The following PTPRD variants were observed in gnomAD, a reference collection of about 807,000 sequenced individuals.
The protein encoded by PTPRD is protein tyrosine phosphatase receptor type D.
PTPRD carries 34 observed loss-of-function variants against 214.5 expected under a neutral mutation model. The observed-to-expected ratio is 0.16, with a 90% CI of 0.12 to 0.21. The LOEUF is 0.21. Among genes scored for constraint, PTPRD ranks in the 10% least tolerant of loss-of-function variants. PTPRD has a pLI of 1.00. For missense variants in PTPRD, 2,545 were observed against 2,398.7 expected (o/e 1.06, Z -1.27); for synonymous variants, 1,128 against 845.7 (o/e 1.33, Z -5.79).
At chr9:9,486,885 A>G (rs2095660451) in intron 8 of PTPRD, among the ~76,000 whole-genome samples, 1 of 152,156 alleles carries the variant, frequency 6.6e-6, no homozygotes, top group Admixed American at 6.6e-5. Flanking sequence ...AGTATGGGTC[A>G]TGCCTGCTTT....
chr9:9,187,129 T>G (rs2099932124), intron 9 of PTPRD, among the ~76,000 whole-genome samples: 1 of 151,832 alleles, frequency 6.6e-6, no homozygotes, highest in South Asian at 2.1e-4. Context: ...CAATTTTATT[T>G]CTGCTGTTAA....
intron 3 of PTPRD, among the ~76,000 whole-genome samples, chr9:10,040,934 G>T (rs924301838): frequency 6.6e-6 from 1 of 152,004 alleles, no homozygotes; most frequent in East Asian, 1.9e-4. Flanking sequence ...CAAATTTACT[G>T]TAATGTGGGT....
intron 8 of PTPRD, among the ~76,000 whole-genome samples, chr9:9,452,542 C>A (rs1440405206): frequency 1.3e-5 from 2 of 150,840 alleles, no homozygotes; most frequent in African/African-American, 4.8e-5. Flanking sequence ...TAAAGAAAAA[C>A]CACAGAAGTT....
At chr9:9,321,441 G>A (rs368249161) in intron 9 of PTPRD, among the ~76,000 whole-genome samples, 4 of 151,684 alleles carry the variant, frequency 2.6e-5, no homozygotes, top group Non-Finnish European at 5.9e-5. Context: ...TGTAATCCCA[G>A]CTACTAGGGA....
chr9:9,777,148 A>G (rs1430920516), intron 5 of PTPRD, among the ~76,000 whole-genome samples: 1 of 152,312 alleles, frequency 6.6e-6, no homozygotes, highest in South Asian at 2.1e-4. Flanking sequence ...AAAAAATTAG[A>G]AACACTCTTA....
chr9:8,524,390 T>A (rs1386071642), intron 18 of PTPRD, among the ~76,000 whole-genome samples: 1 of 152,188 alleles, frequency 6.6e-6, no homozygotes, highest in African/African-American at 2.4e-5. Context: ...GTGTTTATAA[T>A]TAAGAAAGTA....
intron 7 of PTPRD, among the ~76,000 whole-genome samples, chr9:9,608,545 G>T (rs57397664): frequency 6.6e-6 from 1 of 152,080 alleles, no homozygotes; most frequent in Non-Finnish European, 1.5e-5. Flanking sequence ...AGACTAATTG[G>T]CCCCACCTCT....
At position 9,358,043 on chromosome 9, in the gene PTPRD, A is replaced by G. The variant is rs1368265642; in HGVS notation, c.-203+39406T>C. 3.3e-5 allele frequency among the ~76,000 whole-genome samples: 5 copies of G among 151,432 alleles called. No homozygotes were observed. The East Asian group carries it at 7.8e-4, about 24-fold the overall frequency. On this transcript the variant is annotated intron_variant, in intron 9 of 45. Coordinates refer to ENST00000381196, the MANE Select transcript of PTPRD (RefSeq NM_002839.4). ...ATACAGAAAAATATGAGATTTTTCT[A>G]TAAGATTTTTTTTGTTGCTATTTTA...
chr9:9,884,786 C>T (rs191525436), intron 5 of PTPRD, among the ~76,000 whole-genome samples: 2 of 152,200 alleles, frequency 1.3e-5, no homozygotes, highest in African/African-American at 4.8e-5. Context: ...GGGGCTTTTC[C>T]CCACTTGCTT....
intron 3 of PTPRD, among the ~76,000 whole-genome samples, chr9:10,222,784 T>G (rs1286999088): frequency 6.6e-6 from 1 of 152,022 alleles, no homozygotes; most frequent in African/African-American, 2.4e-5. Context: ...GTAGTAATTT[T>G]GTGATCTGAA....
intron 5 of PTPRD, among the ~76,000 whole-genome samples, chr9:9,933,547 A>G (rs1356759055): frequency 2.6e-5 from 4 of 151,784 alleles, no homozygotes; most frequent in Non-Finnish European, 5.9e-5. Context: ...ATATATATAC[A>G]CCCAACACAG....
Position 8,315,477 on chromosome 9 carries a change from C to A in PTPRD, c.*2397G>T, listed in dbSNP as rs934209461. On this transcript the variant is annotated 3_prime_UTR_variant, in exon 46 of 46. Transcript: ENST00000381196. ...TTGTTTAACTAAAAGAAAATTATAG[C>A]ACTGAGTAATCTGGCACTTGGATAA... 7 of 231,932 alleles carry A rather than the reference C, an allele frequency of 3.0e-5. No homozygotes were observed. Among genetic ancestry groups the A allele is most frequent in the Non-Finnish European group, 1.7e-5 (2 of 117,048 alleles). 14.4% of individuals were successfully genotyped at this position (231,932 alleles called of 1,614,324 possible).
chr9:10,419,733 T>C (rs1587808236), intron 2 of PTPRD, among the ~76,000 whole-genome samples: 1 of 151,830 alleles, frequency 6.6e-6, no homozygotes, highest in Non-Finnish European at 1.5e-5. Flanking sequence ...GATTCTGCTA[T>C]GCCATTTTCT....
chr9:8,317,950 A>G lies in PTPRD; in HGVS notation c.5671-8T>C, dbSNP rs1187072320. ...GGAAAACTGATATTGATCCTGCAGGAGACAATGAATGGGGAGAAGCAAAAG... is the reference window on the plus strand; with the variant it reads ...GGAAAACTGATATTGATCCTGCAGGGGACAATGAATGGGGAGAAGCAAAAG... On this transcript the variant is annotated splice_region_variant and splice_polypyrimidine_tract_variant and intron_variant, in intron 45 of 45. Coordinates refer to ENST00000381196, the MANE Select transcript of PTPRD (RefSeq NM_002839.4). 4.3e-6 allele frequency: 7 copies of G among 1,611,342 alleles called. 1 individual carries two copies. The highest frequency in any genetic ancestry group is 2.2e-5 in the South Asian group (2 of 91,046).
chr9:8,946,813 T>A (rs999826504), intron 11 of PTPRD, among the ~76,000 whole-genome samples: 16 of 151,848 alleles, frequency 1.1e-4, no homozygotes, highest in Non-Finnish European at 1.9e-4. Flanking sequence ...CCTTTGTCCC[T>A]TTTTTTCCCC....
At chr9:9,130,422 C>T (rs2099840795) in intron 10 of PTPRD, among the ~76,000 whole-genome samples, 2 of 152,106 alleles carry the variant, frequency 1.3e-5, no homozygotes, top group African/African-American at 4.8e-5. Context: ...TTTAGACACC[C>T]ATCTTTCTGT....
chr9:10,153,264 A>G (rs12554979), intron 3 of PTPRD, among the ~76,000 whole-genome samples: 12,631 of 152,000 alleles, frequency 0.083, 742 homozygotes, highest in East Asian at 0.21. Flanking sequence ...ATCACATTGT[A>G]CCCCATAAAT....
At chr9:10,604,866 A>T (rs1317296904) in intron 2 of PTPRD, among the ~76,000 whole-genome samples, 1 of 151,900 alleles carries the variant, frequency 6.6e-6, no homozygotes, top group African/African-American at 2.4e-5. Context: ...TAGCTTTAAA[A>T]TTTACAGGTA....
intron 8 of PTPRD, among the ~76,000 whole-genome samples, chr9:9,514,132 G>A (rs1318599079): frequency 6.6e-6 from 1 of 151,968 alleles, no homozygotes; most frequent in Non-Finnish European, 1.5e-5. Flanking sequence ...ATTTATTTTG[G>A]CCTTTTGGTG....
Sources: allele counts gnomAD v4.1 joint callset (sites outside exome capture counted in the v4.1 genomes callset), GRCh38; gene constraint gnomAD v4.1.1; transcripts MANE v1.5; gene names NCBI Gene and HGNC (gene_info 2026-07-23, HGNC 2026-07-21).